LIPA: variants seen among roughly 807,000 people sequenced by gnomAD.
LIPA encodes lysosomal acid lipase/cholesteryl ester hydrolase.
In LIPA, 26 loss-of-function variants were observed where a neutral mutation model predicts 40.6. The ratio of observed to expected loss-of-function variants is 0.64; its 90% CI spans 0.47 to 0.89. The LOEUF is 0.89. LIPA is among the 40% of genes least tolerant of loss of function. The probability of loss-of-function intolerance (pLI) is 0.00; values close to 1 mark genes in which losing one functional copy is unlikely to be tolerated. For missense variants in LIPA, 455 were observed against 479.6 expected (o/e 0.95, Z 0.48); for synonymous variants, 188 against 168.4 (o/e 1.12, Z -0.90).
At chr10:89,337,112 C>T (rs1395394545) in intron 1 of LIPA, among the ~76,000 whole-genome samples, 6 of 152,144 alleles carry the variant, frequency 3.9e-5, no homozygotes, top group Non-Finnish European at 7.4e-5. Flanking sequence ...GCTGAGCCTC[C>T]GTGGGTCTGT....
At chr10:89,269,270 C>T (rs1156584181) in intron 1 of LIPA, among the ~76,000 whole-genome samples, 2 of 152,152 alleles carry the variant, frequency 1.3e-5, no homozygotes, top group African/African-American at 4.8e-5. Flanking sequence ...GCAGAGGTTG[C>T]AGTGAGCCAA....
intron 1 of LIPA, among the ~76,000 whole-genome samples, chr10:89,322,726 G>C (rs1005208146): frequency 6.6e-6 from 1 of 152,176 alleles, no homozygotes; most frequent in African/African-American, 2.4e-5. Flanking sequence ...CAGTGCCTAG[G>C]AGCAGTAAGA....
At position 89,240,277 on chromosome 10, in the gene LIPA, A is replaced by G. The variant is rs1354513184; in HGVS notation, c.229+5399T>C. On this transcript the variant is annotated intron_variant, in intron 3 of 9. Transcript: ENST00000336233. The stretch of plus-strand genomic sequence containing the variant: ...GAAGAAGTCAATATCAGAGACCACC[A>G]TCAAATCCATGTTGACATTTCAAAA... 2.6e-5 allele frequency among the ~76,000 whole-genome samples: 4 copies of G among 152,314 alleles called. No individual in the cohort carries two copies. In the East Asian group the frequency reaches 7.7e-4, roughly 29 times the overall value.
At chr10:89,235,149 G>A (rs1842889149) in intron 3 of LIPA, among the ~76,000 whole-genome samples, 1 of 152,220 alleles carries the variant, frequency 6.6e-6, no homozygotes, top group Admixed American at 6.5e-5. Context: ...TAGATGGAGG[G>A]GGATAGGGAA....
In LIPA at chr10:89,267,816, G is replaced by C. The variant is rs892481162; in HGVS notation, c.-1-20167C>G. On this transcript the variant is annotated intron_variant, in intron 1 of 5. Coordinates refer to the LIPA transcript ENST00000282673. Reference sequence around the variant, plus strand: ...TTCTCCATCCTTTCAATCTCCTGCAGGTGCCGCCTGTCAACAAAACCCAAC... The same window carrying C: ...TTCTCCATCCTTTCAATCTCCTGCACGTGCCGCCTGTCAACAAAACCCAAC... Among the ~76,000 whole-genome samples, 6 of 151,448 alleles carry C rather than the reference G, an allele frequency of 4.0e-5. No homozygotes were observed. The South Asian group carries it at 1.3e-3, about 32-fold the overall frequency.
At chr10:89,402,205 T>G in intron 2 of LIPA, 1 of 894,630 alleles carries the variant, frequency 1.1e-6, no homozygotes, top group East Asian at 2.4e-5. Flanking sequence ...AGCACTAAAA[T>G]ACAAGGTATT....
chr10:89,336,096 T>G (rs1843734178), intron 1 of LIPA, among the ~76,000 whole-genome samples: 2 of 138,066 alleles, frequency 1.4e-5, no homozygotes, highest in African/African-American at 5.5e-5. Context: ...GGCAATATAG[T>G]GAGACCCTGT....
rs1843262840 is a variant in LIPA, at chr10:89,270,936, T to A, written c.-1-23287A>T. Among the ~76,000 whole-genome samples the A allele has an allele frequency of 2.0e-5, 3 of 152,236 alleles. No homozygotes were observed. The South Asian group carries it at 6.2e-4, about 32-fold the overall frequency. The stretch of plus-strand genomic sequence containing the variant: ...CTTTGGGGCTCTAGTAGAGACTGAA[T>A]GTTTAACGATGGCCCAAGACCTGAG... On this transcript the variant is annotated intron_variant, in intron 1 of 5. Transcript: ENST00000282673.
chr10:89,273,466 G>A (rs1750640334), intron 1 of LIPA, among the ~76,000 whole-genome samples: 2 of 152,184 alleles, frequency 1.3e-5, no homozygotes, highest in African/African-American at 4.8e-5. Flanking sequence ...AGGAGACCAG[G>A]AGCACTGGAA....
chr10:89,230,843 CT>C, intron 3 of LIPA, among the ~76,000 whole-genome samples: 1 of 152,196 alleles, frequency 6.6e-6, no homozygotes, highest in African/African-American at 2.4e-5. Flanking sequence ...TATTAAGTTG[CT>C]TAACCAGTCT....
intron 2 of LIPA, among the ~76,000 whole-genome samples, chr10:89,375,941 C>T (rs1259430930): frequency 6.6e-6 from 1 of 152,034 alleles, no homozygotes; most frequent in African/African-American, 2.4e-5. Context: ...TAATCCCACA[C>T]TTTAGGAGGC....
At chr10:89,264,295 A>C (rs1843224431) in intron 1 of LIPA, among the ~76,000 whole-genome samples, 1 of 152,222 alleles carries the variant, frequency 6.6e-6, no homozygotes, top group Admixed American at 6.5e-5. Context: ...AGCAAGGTGA[A>C]GAAGTCCTTT....
chr10:89,245,810 C>A lies in LIPA; in HGVS notation c.112-17G>T. ...AATTTCACTCTGTAGAGAAAAAGGA[C>A]GATGGAAATTGGGTGGACAGAATCT... On this transcript the variant is annotated splice_polypyrimidine_tract_variant and intron_variant, in intron 2 of 9. Transcript: ENST00000336233. 7.8e-7 allele frequency: 1 copy of A among 1,287,438 alleles called. No individual in the cohort carries two copies. The highest frequency in any genetic ancestry group is 1.2e-5 in the South Asian group (1 of 84,600). 79.8% of individuals were successfully genotyped at this position (1,287,438 alleles called of 1,614,324 possible). A position where few individuals can be genotyped will look rare whatever the true frequency, so the allele number is the denominator to read the frequency against.
chr10:89,384,159 C>G, intron 2 of LIPA: 1 of 1,614,172 alleles, frequency 6.2e-7, no homozygotes, highest in East Asian at 2.2e-5. Flanking sequence ...AGACAACACC[C>G]ACTTCTGCCT....
intron 3 of LIPA, among the ~76,000 whole-genome samples, chr10:89,241,706 G>A (rs192100822): frequency 3.9e-5 from 6 of 152,262 alleles, no homozygotes; most frequent in Non-Finnish European, 7.4e-5. Context: ...GCATGCTGAA[G>A]GCAGTCATTC....
chr10:89,321,234 A>C (rs577443522), intron 1 of LIPA, among the ~76,000 whole-genome samples: 110 of 146,662 alleles, frequency 7.5e-4, no homozygotes, highest in Non-Finnish European at 1.2e-3. Flanking sequence ...TAATTAAACT[A>C]AAGAGCTTCT....
chr10:89,247,840 T>TTA (rs1843049980), intron 1 of LIPA, 191 bp from the exon 2 acceptor site: 3 of 232,378 alleles, frequency 1.3e-5, no homozygotes, highest in African/African-American at 5.6e-5. Flanking sequence ...TATTTATTTA[T>TTA]TTTTATTTTA....
intron 1 of LIPA, among the ~76,000 whole-genome samples, chr10:89,257,186 A>T (rs955136890): frequency 2.6e-5 from 4 of 152,344 alleles, no homozygotes; most frequent in Admixed American, 2.0e-4. Flanking sequence ...GCAAGACTGC[A>T]TTTTTGGCAG....
Position 89,408,941 on chromosome 10 carries a change from C to T in LIPA, c.61+3850G>A, listed in dbSNP as rs181017665. 2.4e-4 allele frequency among the ~76,000 whole-genome samples: 37 copies of T among 152,222 alleles called. No homozygotes were observed. The East Asian group carries it at 3.7e-3, about 15-fold the overall frequency. ...CAACTCAGATCATGGGGACTGGAGT[C>T]GTAAACATCTGTTGACCTGTGTTCT... On this transcript the variant is annotated intron_variant, in intron 2 of 8. Coordinates refer to the LIPA transcript ENST00000371837.
Sources: allele counts gnomAD v4.1 joint callset (sites outside exome capture counted in the v4.1 genomes callset), GRCh38; gene constraint gnomAD v4.1.1; transcripts MANE v1.5; gene names NCBI Gene and HGNC (gene_info 2026-07-23, HGNC 2026-07-21).